Variants in LAIR1 observed in about 807,000 individuals in gnomAD.
The protein encoded by LAIR1 is leukocyte-associated immunoglobulin-like receptor 1.
A neutral mutation model predicts 32.8 loss-of-function variants in LAIR1; 24 were observed. That is an observed-to-expected ratio of 0.73 (90% CI 0.53 to 1.03). The LOEUF is 1.03. Ranked by LOEUF, LAIR1 falls within the 50% of genes least tolerant of loss-of-function variation. The probability of loss-of-function intolerance (pLI) is 0.00; values close to 1 mark genes in which losing one functional copy is unlikely to be tolerated. For missense variants in LAIR1, 355 were observed against 347.5 expected, an observed-to-expected ratio of 1.02 and a Z score of -0.17; for synonymous variants, 150 against 140.5, an observed-to-expected ratio of 1.07 and a Z score of -0.48.
chr19:54,357,362 C>A (rs979303874), intron 4 of LAIR1: 2 of 172,382 alleles, frequency 1.2e-5, no homozygotes, highest in Non-Finnish European at 2.5e-5. Flanking sequence ...AGGCAGAGAC[C>A]AACCACCCGC....
At chr19:54,374,057 G>A (rs574969482), upstream of LAIR1, among the ~76,000 whole-genome samples, 1 of 152,056 alleles carries the variant, frequency 6.6e-6, no homozygotes, top group Non-Finnish European at 1.5e-5. Context: ...CTTCCCAGAG[G>A]TTCCAATGCT....
chr19:54,370,811 C>A (rs2082387537), upstream of LAIR1, among the ~76,000 whole-genome samples: 1 of 150,702 alleles, frequency 6.6e-6, no homozygotes, highest in Non-Finnish European at 1.5e-5. Flanking sequence ...CTAATTAGTG[C>A]CTGACAAGAA....
At chr19:54,361,861 C>G (rs1370950827) in intron 2 of LAIR1, among the ~76,000 whole-genome samples, 2 of 152,304 alleles carry the variant, frequency 1.3e-5, no homozygotes, top group East Asian at 3.9e-4. Flanking sequence ...ATTTGCATTT[C>G]CTTCTTATTA....
At chr19:54,365,683 GAGGCAGGAGAATCGCTTGAACCCAGA>G (rs2082229266), upstream of LAIR1, among the ~76,000 whole-genome samples, 1 of 151,888 alleles carries the variant, frequency 6.6e-6, no homozygotes, top group Non-Finnish European at 1.5e-5. Flanking sequence ...TTGGAAGGTT[GAGGCAGGAGAATCGCTTGAACCCAGA>G]AGGCAGGGGT....
chr19:54,373,788 G>A (rs181645768), upstream of LAIR1, among the ~76,000 whole-genome samples: 11 of 152,316 alleles, frequency 7.2e-5, no homozygotes, highest in Admixed American at 2.0e-4. Context: ...GGTTTTCTCT[G>A]GGGCAGAATT....
At chr19:54,358,591 A>C in intron 4 of LAIR1, 1 of 1,607,780 alleles carries the variant, frequency 6.2e-7, no homozygotes, top group Non-Finnish European at 8.5e-7. Flanking sequence ...TTCTTGGTGC[A>C]TCAAATCCGG....
rs2082008501 is a variant in LAIR1, at chr19:54,361,217, G to A, written c.71-8C>T. 1 of 1,613,570 alleles carries A rather than the reference G, an allele frequency of 6.2e-7. No homozygotes were observed. Among genetic ancestry groups the A allele is most frequent in the Non-Finnish European group, 8.5e-7 (1 of 1,179,584 alleles). ...AGGGTCTGGGCAGATCTTCTAGGAG[G>A]GAAGCAGAGCAGGATCTCAGCGTCC... On this transcript the variant is annotated splice_region_variant and splice_polypyrimidine_tract_variant and intron_variant, in intron 2 of 9. Coordinates refer to ENST00000391742, the MANE Select transcript of LAIR1 (RefSeq NM_002287.6).
In LAIR1 at chr19:54,363,003, C is replaced by G. The variant is rs557957410; in HGVS notation, c.70+1292G>C. Among the ~76,000 whole-genome samples the G allele has an allele frequency of 9.1e-5, 13 of 143,440 alleles. No homozygotes were observed. In the South Asian group the frequency reaches 2.6e-3, roughly 29 times the overall value. 94.1% of individuals were successfully genotyped at this position (143,440 alleles called of 152,430 possible). On this transcript the variant is annotated intron_variant, in intron 2 of 9. Transcript: ENST00000391742. ...AGGTCTGATTCTATCTGAAGATAAA[C>G]AGGGGAAGGGCTCTGAGAAAAAAAA...
At chr19:54,370,860 C>A (rs1399253470), upstream of LAIR1, among the ~76,000 whole-genome samples, 1 of 150,596 alleles carries the variant, frequency 6.6e-6, no homozygotes. Context: ...AAAGTAGGCA[C>A]AATTTGCTTT....
intron 5 of LAIR1, 42 bp from the exon 6 acceptor site, chr19:54,356,661 T>C (rs1217448315): frequency 6.3e-7 from 1 of 1,595,632 alleles, no homozygotes; most frequent in Non-Finnish European, 8.6e-7. Flanking sequence ...GTGCATTTAT[T>C]GAGCACCTAC....
chr19:54,375,662 T>C, the LAIR1 span, among the ~76,000 whole-genome samples: 2 of 151,986 alleles, frequency 1.3e-5, no homozygotes, highest in Admixed American at 1.3e-4. Flanking sequence ...CCATTCACAA[T>C]ATACAACCTT....
rs1035597513 is a variant in LAIR1, at chr19:54,354,263, G to A, written c.*1005C>T. 2 of 152,194 alleles carry A rather than the reference G, an allele frequency of 1.3e-5. No individual in the cohort carries two copies. The highest frequency in any genetic ancestry group is 2.4e-5 in the African/African-American group (1 of 41,432). 9.4% of individuals were successfully genotyped at this position (152,194 alleles called of 1,614,324 possible). ...TGCGTGTGTGTATGCATGTGTGTGA[G>A]AGCATGCATTCCTGTGCATGTATGT... On this transcript the variant is annotated 3_prime_UTR_variant, in exon 10 of 10. Coordinates refer to ENST00000391742, the MANE Select transcript of LAIR1 (RefSeq NM_002287.6).
chr19:54,370,270 C>A (rs1448125030), exon 1 of LAIR1: 1 of 1,542,878 alleles, frequency 6.5e-7, no homozygotes, highest in East Asian at 2.4e-5. Flanking sequence ...ACCCATTTCT[C>A]TTTCCATCTT....
chr19:54,354,158 G>C lies in LAIR1; in HGVS notation c.*1110C>G, dbSNP rs1157121703. The C allele has an allele frequency of 6.6e-6, 1 of 152,226 alleles. No individual in the cohort carries two copies. The highest frequency in any genetic ancestry group is 1.5e-5 in the Non-Finnish European group (1 of 68,062). The allele number at this position is 152,226 out of a possible 1,614,324, so 9.4% of individuals were successfully genotyped here. On this transcript the variant is annotated 3_prime_UTR_variant, in exon 10 of 10. Coordinates refer to ENST00000391742, the MANE Select transcript of LAIR1 (RefSeq NM_002287.6). Reference sequence around the variant, plus strand: ...ACCCTACAGGTAGGGTGGATACTCAGAAATGCCTCAACCAACAGCAGGCTC... The same window carrying C: ...ACCCTACAGGTAGGGTGGATACTCACAAATGCCTCAACCAACAGCAGGCTC...
In LAIR1 at chr19:54,364,860, C is replaced by T; in HGVS notation, c.-56G>A. ...GAGGCGCACCAATGCAAGGACAGAA[C>T]TCTGCAGCAGACACAAGCAGACAGG... On this transcript the variant is annotated 5_prime_UTR_variant, in exon 1 of 10. Transcript: ENST00000391742. The surrounding 1 kb of genome is among the most constrained non-coding windows in gnomAD (Gnocchi z 4.8). 1.9e-6 allele frequency: 3 copies of T among 1,614,018 alleles called. No individual in the cohort carries two copies. The East Asian group carries it at 6.7e-5, about 36-fold the overall frequency.
In LAIR1 at chr19:54,361,124, C is replaced by T. The variant is rs140141368; in HGVS notation, c.156G>A (p.Pro52=). The T allele has an allele frequency of 3.3e-4, 537 of 1,614,154 alleles. 2 individuals carry two copies. In the African/African-American group the frequency reaches 5.4e-3, roughly 16 times the overall value. ...GSHVTFVCRG[P]VGVQTFRLER... ...CCAGGCGGAATGTTTGAACCCCAAC[C>T]GGGCCCCGGCACACGAAAGTCACAT... is the stretch of plus-strand genomic sequence containing the variant. The change falls in exon 3 of 10, where the codon CCG becomes CCA. Residue 52 remains proline (P), a synonymous_variant. Transcript: ENST00000391742.
chr19:54,360,630 C>T lies in LAIR1; in HGVS notation c.364+286G>A, dbSNP rs2081965122. 4 of 515,618 alleles carry T rather than the reference C, an allele frequency of 7.8e-6. No individual in the cohort carries two copies. In the South Asian group the frequency reaches 1.2e-4, roughly 16 times the overall value. 31.9% of individuals were successfully genotyped at this position (515,618 alleles called of 1,614,324 possible). A position where few individuals can be genotyped will look rare whatever the true frequency, so the allele number is the denominator to read the frequency against. On this transcript the variant is annotated intron_variant, in intron 3 of 9. Transcript: ENST00000391742. ...GGGTTGCCCCCTAATCTCTGGGAAC[C>T]CACTCCCCACCCAGCCAAGCAGAGC...
At chr19:54,358,612 G>T (rs2081856184) in intron 4 of LAIR1, 1 of 1,604,724 alleles carries the variant, frequency 6.2e-7, no homozygotes, top group Non-Finnish European at 8.5e-7. Flanking sequence ...AGGCTTCAGT[G>T]CCTGGCACAG....
At chr19:54,361,914 G>T (rs903828276) in intron 2 of LAIR1, among the ~76,000 whole-genome samples, 3 of 152,014 alleles carry the variant, frequency 2.0e-5, no homozygotes, top group Non-Finnish European at 4.4e-5. Flanking sequence ...GGCTTGGGGT[G>T]GAGGAGGAAG....
Sources: gnomAD v4.1 joint callset for allele counts (sites outside exome capture counted in the v4.1 genomes callset) on GRCh38, gnomAD v4.1.1 for gene constraint, Gnocchi (gnomAD v3.1) non-coding constraint, MANE v1.5 for transcripts, NCBI Gene and HGNC (gene_info 2026-07-23, HGNC 2026-07-21) for gene names.